ARL15: variants seen among roughly 807,000 people sequenced by gnomAD.
ARL15 encodes the protein ADP-ribosylation factor-like protein 15.
A neutral mutation model predicts 25.2 loss-of-function variants in ARL15; 19 were observed. That is an observed-to-expected ratio of 0.75 (90% CI 0.53 to 1.10). The LOEUF (loss-of-function observed/expected upper bound fraction) is 1.10, where lower values mean the gene tolerates loss of function less well. ARL15 is among the 50% of genes least tolerant of loss of function. The pLI is 0.00. For synonymous variants in ARL15, 94 were observed against 86.8 expected (o/e 1.08, Z -0.46); for missense variants, 220 against 246.0 (o/e 0.89, Z 0.71).
chr5:53,968,699 C>T (rs1033125018), intron 4 of ARL15, among the ~76,000 whole-genome samples: 10 of 151,782 alleles, frequency 6.6e-5, no homozygotes, highest in Non-Finnish European at 1.2e-4. Flanking sequence ...TTAGTAGAGA[C>T]GGGGTTTGAC....
At chr5:54,157,860 C>T (rs567859211) in intron 2 of ARL15, among the ~76,000 whole-genome samples, 101 of 152,256 alleles carry the variant, frequency 6.6e-4, no homozygotes, top group African/African-American at 2.3e-3. Context: ...TACGGTTTAG[C>T]TTCAGTAATT....
At chr5:54,112,893 G>T (rs1752781703) in intron 4 of ARL15, among the ~76,000 whole-genome samples, 1 of 152,146 alleles carries the variant, frequency 6.6e-6, no homozygotes, top group Non-Finnish European at 1.5e-5. Flanking sequence ...AATGAACTAA[G>T]TCCACAGGTT....
intron 1 of ARL15, among the ~76,000 whole-genome samples, chr5:54,275,824 A>G (rs1287062319): frequency 6.7e-6 from 1 of 150,310 alleles, no homozygotes; most frequent in Non-Finnish European, 1.5e-5. Flanking sequence ...AGCTGGGACT[A>G]CAGGCACCCG....
At chr5:54,098,191 GA>G (rs1231936664) in intron 4 of ARL15, among the ~76,000 whole-genome samples, 1 of 152,100 alleles carries the variant, frequency 6.6e-6, no homozygotes, top group Admixed American at 6.5e-5. Flanking sequence ...AAAGGTAAGT[GA>G]AAACCAACTT....
intron 1 of ARL15, among the ~76,000 whole-genome samples, chr5:54,195,005 A>G (rs1755510383): frequency 6.6e-6 from 1 of 152,208 alleles, no homozygotes. Context: ...ACAAGGAGAT[A>G]TCTCGAGACA....
intron 4 of ARL15, among the ~76,000 whole-genome samples, chr5:53,936,083 G>GAAA (rs111918858): frequency 6.6e-6 from 1 of 151,288 alleles, no homozygotes; most frequent in African/African-American, 2.4e-5. Flanking sequence ...GAAGAAAAAG[G>GAAA]AAAAAAAAGA....
intron 1 of ARL15, among the ~76,000 whole-genome samples, chr5:54,304,283 A>G (rs1210106015): frequency 6.6e-6 from 1 of 152,230 alleles, no homozygotes; most frequent in Non-Finnish European, 1.5e-5. Flanking sequence ...AACTTGAGGA[A>G]ATTACACAAC....
chr5:54,089,545 G>A (rs928155970), intron 4 of ARL15, among the ~76,000 whole-genome samples: 3 of 151,936 alleles, frequency 2.0e-5, no homozygotes, highest in African/African-American at 4.8e-5. Flanking sequence ...TACCTACTAC[G>A]AGATTAAAGG....
chr5:54,132,709 G>A (rs1753476698), intron 3 of ARL15, among the ~76,000 whole-genome samples: 1 of 152,082 alleles, frequency 6.6e-6, no homozygotes, highest in South Asian at 2.1e-4. Flanking sequence ...GATTATTCAT[G>A]CCTCCCCTTT....
intron 1 of ARL15, among the ~76,000 whole-genome samples, chr5:54,290,115 T>A (rs1417262105): frequency 6.6e-6 from 1 of 152,030 alleles, no homozygotes; most frequent in Non-Finnish European, 1.5e-5. Context: ...CCCAAAGGAG[T>A]AAACATTCCA....
intron 1 of ARL15, among the ~76,000 whole-genome samples, chr5:54,282,725 T>C (rs1758091639): frequency 6.6e-6 from 1 of 152,208 alleles, no homozygotes; most frequent in Non-Finnish European, 1.5e-5. Context: ...ATCATAAAAG[T>C]CTATAATCCT....
At chr5:54,031,622 C>T (rs1456215773) in intron 4 of ARL15, among the ~76,000 whole-genome samples, 2 of 152,192 alleles carry the variant, frequency 1.3e-5, no homozygotes, top group Non-Finnish European at 2.9e-5. Flanking sequence ...TTCAGAGCTG[C>T]ATCATATAAT....
intron 1 of ARL15, among the ~76,000 whole-genome samples, chr5:54,186,458 A>C (rs1283537825): frequency 1.3e-5 from 2 of 152,190 alleles, no homozygotes; most frequent in Non-Finnish European, 2.9e-5. Context: ...GAGTTATTTA[A>C]AGGTGTGCTT....
chr5:53,937,125 T>A (rs1746372127), intron 4 of ARL15, among the ~76,000 whole-genome samples: 1 of 152,210 alleles, frequency 6.6e-6, no homozygotes, highest in African/African-American at 2.4e-5. Flanking sequence ...CCAAGAGTTC[T>A]CCGTCCCCGG....
At position 54,069,392 on chromosome 5, in the gene ARL15, G is replaced by A. The variant is rs376824701; in HGVS notation, c.462+43810C>T. ...TGGAGACCAGCCTGGCCAACATGGCGAAACCCCGTCTCTACTAAAAATACA... is the reference window on the plus strand; with the variant it reads ...TGGAGACCAGCCTGGCCAACATGGCAAAACCCCGTCTCTACTAAAAATACA... On this transcript the variant is annotated intron_variant, in intron 4 of 4. Transcript: ENST00000504924. 5.3e-5 allele frequency among the ~76,000 whole-genome samples: 8 copies of A among 151,750 alleles called. No individual in the cohort carries two copies. The East Asian group carries it at 1.4e-3, about 26-fold the overall frequency.
At chr5:54,017,187 C>T (rs1053826207) in intron 4 of ARL15, among the ~76,000 whole-genome samples, 4 of 152,138 alleles carry the variant, frequency 2.6e-5, no homozygotes, top group Non-Finnish European at 4.4e-5. Flanking sequence ...CCTTAGAATC[C>T]ACCCGTGAGC....
At position 54,177,313 on chromosome 5, in the gene ARL15, G is replaced by A. The variant is rs147047556; in HGVS notation, c.49-5385C>T. 2.2e-4 allele frequency among the ~76,000 whole-genome samples: 33 copies of A among 152,276 alleles called. No homozygotes were observed. The East Asian group carries it at 4.8e-3, about 22-fold the overall frequency. On this transcript the variant is annotated intron_variant, in intron 1 of 4. Coordinates refer to ENST00000504924, the MANE Select transcript of ARL15 (RefSeq NM_019087.3). Reference sequence around the variant, plus strand: ...ATCACCAGTAATAACTGACTATATCGTAGACTTTGGACAAATCATGTAATC... The same window carrying A: ...ATCACCAGTAATAACTGACTATATCATAGACTTTGGACAAATCATGTAATC...
intron 1 of ARL15, among the ~76,000 whole-genome samples, chr5:54,221,236 C>G (rs1421014867): frequency 6.6e-6 from 1 of 152,132 alleles, no homozygotes; most frequent in East Asian, 1.9e-4. Flanking sequence ...TCACACAGGT[C>G]AGAAGACAAG....
intron 4 of ARL15, among the ~76,000 whole-genome samples, chr5:54,009,295 G>T (rs1228080206): frequency 6.6e-6 from 1 of 152,184 alleles, no homozygotes; most frequent in African/African-American, 2.4e-5. Context: ...TTAGCAAAGT[G>T]TGTTGCCCTC....
Sources: allele counts gnomAD v4.1 joint callset (sites outside exome capture counted in the v4.1 genomes callset), GRCh38; gene constraint gnomAD v4.1.1; transcripts MANE v1.5; gene names NCBI Gene and HGNC (gene_info 2026-07-23, HGNC 2026-07-21).